Variants in PDE4D observed in about 807,000 individuals in gnomAD.
PDE4D encodes phosphodiesterase 4D.
Under a neutral mutation model 87.4 loss-of-function variants are expected in PDE4D, and 24 were observed. The observed-to-expected ratio is 0.27, with a 90% confidence interval of 0.20 to 0.39. PDE4D has a LOEUF of 0.39. PDE4D is among the 10% of genes least tolerant of loss of function. The pLI is 1.00. For synonymous variants in PDE4D, 384 were observed against 383.2 expected (o/e 1.00, Z -0.02); for missense variants, 714 against 1,041.0 (o/e 0.69, Z 4.32).
At chr5:59,499,472 T>A (rs1255310352) in intron 1 of PDE4D, among the ~76,000 whole-genome samples, 1 of 150,580 alleles carries the variant, frequency 6.6e-6, no homozygotes, top group Non-Finnish European at 1.5e-5. Flanking sequence ...ATACAAAGGA[T>A]ATACAAAATG....
At chr5:60,099,786 T>C (rs1430072148) in intron 2 of PDE4D, among the ~76,000 whole-genome samples, 2 of 151,996 alleles carry the variant, frequency 1.3e-5, no homozygotes, top group African/African-American at 4.8e-5. Flanking sequence ...TGTAGGATTA[T>C]AAAATGGTGT....
intron 2 of PDE4D, among the ~76,000 whole-genome samples, chr5:60,150,963 T>C (rs1271790904): frequency 6.6e-6 from 1 of 152,196 alleles, no homozygotes; most frequent in Non-Finnish European, 1.5e-5. Flanking sequence ...TGGGATGTAG[T>C]AGCATTGACA....
At chr5:60,512,186 C>T (rs1338761780) in intron 1 of PDE4D, among the ~76,000 whole-genome samples, 1 of 152,154 alleles carries the variant, frequency 6.6e-6, no homozygotes, top group Non-Finnish European at 1.5e-5. Flanking sequence ...GAATGAACTA[C>T]TCCAAGTCAG....
intron 1 of PDE4D, among the ~76,000 whole-genome samples, chr5:59,741,132 G>C (rs1361537003): frequency 6.6e-6 from 1 of 152,116 alleles, no homozygotes; most frequent in Non-Finnish European, 1.5e-5. Context: ...CATCCCCAAA[G>C]GCTCTGGGTC....
At chr5:59,335,928 C>T (rs1440293179) in intron 1 of PDE4D, among the ~76,000 whole-genome samples, 1 of 152,116 alleles carries the variant, frequency 6.6e-6, no homozygotes, top group Non-Finnish European at 1.5e-5. Context: ...AAAAAATGAT[C>T]TAGACTAGAG....
chr5:59,294,170 C>T (rs1010036446), intron 1 of PDE4D, among the ~76,000 whole-genome samples: 6 of 152,116 alleles, frequency 3.9e-5, no homozygotes, highest in African/African-American at 1.4e-4. Flanking sequence ...GACAGACCTA[C>T]TTAGAAACTG....
chr5:59,242,610 T>C (rs577696654), intron 1 of PDE4D, among the ~76,000 whole-genome samples: 86 of 152,314 alleles, frequency 5.6e-4, no homozygotes, highest in African/African-American at 2.0e-3. Context: ...CATTTTCCAA[T>C]GCAGGAATAA....
At chr5:60,254,267 T>A (rs1352960529) in intron 1 of PDE4D, among the ~76,000 whole-genome samples, 1 of 151,894 alleles carries the variant, frequency 6.6e-6, no homozygotes, top group East Asian at 1.9e-4. Flanking sequence ...GAGATTTCTT[T>A]CCTTCATGGT....
intron 1 of PDE4D, among the ~76,000 whole-genome samples, chr5:59,318,328 G>A (rs1203827626): frequency 6.6e-6 from 1 of 152,106 alleles, no homozygotes; most frequent in Non-Finnish European, 1.5e-5. Context: ...TTGAGGTGGA[G>A]TACAGTTAAA....
intron 1 of PDE4D, among the ~76,000 whole-genome samples, chr5:60,189,133 C>A (rs907984442): frequency 6.6e-6 from 1 of 152,112 alleles, no homozygotes; most frequent in African/African-American, 2.4e-5. Context: ...ATAGGAGTTT[C>A]CACATAAAGT....
At chr5:59,901,484 A>C (rs1752255045) in intron 3 of PDE4D, among the ~76,000 whole-genome samples, 1 of 152,210 alleles carries the variant, frequency 6.6e-6, no homozygotes, top group Non-Finnish European at 1.5e-5. Context: ...TTCAAGAGTG[A>C]TCAAGAAAGT....
chr5:59,818,270 T>C lies in PDE4D; in HGVS notation c.455+74898A>G, dbSNP rs1276213215. Among the ~76,000 whole-genome samples the C allele has an allele frequency of 3.3e-5, 5 of 152,246 alleles. No individual in the cohort carries two copies. In the East Asian group the frequency reaches 7.7e-4, roughly 23 times the overall value. Reference sequence around the variant, plus strand: ...GCTTGGGCACGTTCCTTAAATCTCATGTCCCAGTTTGCTCAGTTGTGAAAT... The same window carrying C: ...GCTTGGGCACGTTCCTTAAATCTCACGTCCCAGTTTGCTCAGTTGTGAAAT... On this transcript the variant is annotated intron_variant, in intron 1 of 14. Coordinates refer to ENST00000340635, the MANE Select transcript of PDE4D (RefSeq NM_001104631.2).
chr5:59,328,152 G>C (rs1007495190), intron 1 of PDE4D, among the ~76,000 whole-genome samples: 1 of 152,110 alleles, frequency 6.6e-6, no homozygotes, highest in African/African-American at 2.4e-5. Flanking sequence ...TAAAAGCACA[G>C]GGAGCAGTGG....
intron 1 of PDE4D, among the ~76,000 whole-genome samples, chr5:60,204,810 C>G (rs1447221418): frequency 1.3e-5 from 2 of 152,130 alleles, no homozygotes; most frequent in Admixed American, 6.5e-5. Flanking sequence ...GTCTATTCTA[C>G]CACTAATTAG....
At chr5:59,780,318 A>C (rs1764489027) in intron 1 of PDE4D, among the ~76,000 whole-genome samples, 1 of 152,186 alleles carries the variant, frequency 6.6e-6, no homozygotes, top group Non-Finnish European at 1.5e-5. Context: ...GTGAGCTGAG[A>C]TCTCACCACT....
intron 3 of PDE4D, among the ~76,000 whole-genome samples, chr5:59,935,182 A>T (rs888455661): frequency 1.4e-4 from 21 of 152,238 alleles, no homozygotes; most frequent in African/African-American, 4.3e-4. Flanking sequence ...ACTGATGCAG[A>T]AGTGTATAGA....
chr5:59,073,338 T>A (rs1765155334), intron 5 of PDE4D, among the ~76,000 whole-genome samples: 1 of 152,104 alleles, frequency 6.6e-6, no homozygotes, highest in African/African-American at 2.4e-5. Flanking sequence ...TTGAGGTGGT[T>A]CTTGAAATAT....
intron 1 of PDE4D, among the ~76,000 whole-genome samples, chr5:60,200,091 T>C (rs1741736369): frequency 6.6e-6 from 1 of 151,656 alleles, no homozygotes; most frequent in Non-Finnish European, 1.5e-5. Context: ...AGAACAATCA[T>C]AATTTTATAT....
At chr5:60,084,846 C>T (rs1489509331) in intron 2 of PDE4D, among the ~76,000 whole-genome samples, 2 of 152,152 alleles carry the variant, frequency 1.3e-5, no homozygotes, top group Non-Finnish European at 2.9e-5. Flanking sequence ...TGTTAACCTG[C>T]CCCATCAGCC....
Sources: gnomAD v4.1 joint callset for allele counts (sites outside exome capture counted in the v4.1 genomes callset) on GRCh38, gnomAD v4.1.1 for gene constraint, MANE v1.5 for transcripts, NCBI Gene and HGNC (gene_info 2026-07-23, HGNC 2026-07-21) for gene names.